Variants in NAV3 observed in about 807,000 individuals in gnomAD.
NAV3 encodes neuron navigator 3, also known as pore membrane and/or filament interacting like protein 1.
Under a neutral mutation model 244.7 loss-of-function variants are expected in NAV3, and 87 were observed. That is an observed-to-expected ratio of 0.36 (90% CI 0.30 to 0.42). The LOEUF (loss-of-function observed/expected upper bound fraction) is 0.42, where lower values mean the gene tolerates loss of function less well. Among genes scored for constraint, NAV3 ranks in the 20% least tolerant of loss-of-function variants. The probability of loss-of-function intolerance (pLI) is 1.00; values close to 1 mark genes in which losing one functional copy is unlikely to be tolerated. For synonymous variants in NAV3, 1,126 were observed against 1,042.2 expected, an observed-to-expected ratio of 1.08 and a Z score of -1.55; for missense variants, 2,663 against 2,893.3, an observed-to-expected ratio of 0.92 and a Z score of 1.83.
chr12:77,686,426 T>TTC (rs1220785263), intron 2 of NAV3, among the ~76,000 whole-genome samples: 78 of 15,558 alleles, frequency 5.0e-3, no homozygotes, highest in Non-Finnish European at 0.013. Context: ...CTTTCTTTCT[T>TTC]TTTTTTTTTT....
intron 2 of NAV3, among the ~76,000 whole-genome samples, chr12:77,612,767 G>T (rs911175942): frequency 6.6e-6 from 1 of 151,962 alleles, no homozygotes; most frequent in Non-Finnish European, 1.5e-5. Flanking sequence ...GATATGATTT[G>T]GCTGTGTCCC....
chr12:77,594,859 C>G (rs944826272), intron 2 of NAV3, among the ~76,000 whole-genome samples: 1 of 152,034 alleles, frequency 6.6e-6, no homozygotes, highest in Middle Eastern at 3.2e-3. Context: ...TAATTCATTA[C>G]CAATAACTGT....
intron 1 of NAV3, among the ~76,000 whole-genome samples, chr12:77,851,475 C>T (rs775943259): frequency 1.3e-5 from 2 of 152,114 alleles, no homozygotes; most frequent in Non-Finnish European, 2.9e-5. Context: ...TTGGAAAACA[C>T]TTTTGTGCTC....
intron 11 of NAV3, chr12:78,052,219 A>C (rs1882858396): frequency 6.6e-6 from 1 of 151,462 alleles, no homozygotes; most frequent in Non-Finnish European, 1.5e-5. Flanking sequence ...GGGTGACACG[A>C]CCTAAAAAAG....
At chr12:78,129,006 G>T (rs1956049043) in intron 18 of NAV3, 140 bp downstream of exon 18, 6 of 738,466 alleles carry the variant, frequency 8.1e-6, no homozygotes, top group Non-Finnish European at 1.3e-5. Flanking sequence ...TTTCATTTGT[G>T]TCATTGTTTA....
intron 2 of NAV3, among the ~76,000 whole-genome samples, chr12:77,725,702 C>T (rs189629638): frequency 3.3e-4 from 50 of 151,882 alleles, no homozygotes; most frequent in African/African-American, 1.2e-3. Flanking sequence ...GTTGCTATAA[C>T]AAAATATCAC....
At chr12:77,787,882 A>G (rs1033565105) in intron 2 of NAV3, among the ~76,000 whole-genome samples, 1 of 152,214 alleles carries the variant, frequency 6.6e-6, no homozygotes, top group Non-Finnish European at 1.5e-5. Flanking sequence ...GACTTATGAC[A>G]ATTATTAGGT....
At chr12:77,769,397 G>T (rs558327204) in intron 2 of NAV3, among the ~76,000 whole-genome samples, 1 of 152,200 alleles carries the variant, frequency 6.6e-6, no homozygotes, top group Non-Finnish European at 1.5e-5. Context: ...TCCCAGAGTG[G>T]TCATGCAATC....
intron 1 of NAV3, among the ~76,000 whole-genome samples, chr12:77,922,340 A>T (rs1394299267): frequency 6.6e-6 from 1 of 151,894 alleles, no homozygotes; most frequent in African/African-American, 2.4e-5. Context: ...CTTCTTTTCC[A>T]TCTCCTAACA....
chr12:77,572,892 C>A (rs572712663), intron 2 of NAV3, among the ~76,000 whole-genome samples: 18 of 144,344 alleles, frequency 1.2e-4, no homozygotes, highest in Admixed American at 2.1e-4. Flanking sequence ...AAGGGATGTA[C>A]TTCACCTTCA....
At chr12:77,812,930 G>T (rs1456153297) in intron 2 of NAV3, among the ~76,000 whole-genome samples, 1 of 151,866 alleles carries the variant, frequency 6.6e-6, no homozygotes, top group Non-Finnish European at 1.5e-5. Context: ...AGGTTCAAAT[G>T]ATTCTCATGC....
At chr12:78,126,709 T>A (rs1001809891) in intron 16 of NAV3, among the ~76,000 whole-genome samples, 1 of 152,164 alleles carries the variant, frequency 6.6e-6, no homozygotes, top group Non-Finnish European at 1.5e-5. Flanking sequence ...TGCCTTTTTA[T>A]TAAAAATAAT....
In NAV3 at chr12:78,119,667, C is replaced by T. The variant is rs2138625035; in HGVS notation, c.3471C>T (p.Ser1157=). The change falls in exon 15 of 40, where the codon TCC becomes TCT. Residue 1157 remains serine, a synonymous_variant. Coordinates refer to ENST00000397909, the MANE Select transcript of NAV3 (RefSeq NM_001024383.2). ...TTCCTGGCCGAGGAGGCCACAGATC[C>T]AGTACCAGCAGTATTGATTCCAACG... is the stretch of plus-strand genomic sequence containing the variant. The part of the protein sequence containing the change: ...SGIPGRGGHR[S]STSSIDSNVS... The T allele has an allele frequency of 1.2e-6, 2 of 1,614,200 alleles. No homozygotes were observed. The highest frequency in any genetic ancestry group is 1.1e-5 in the South Asian group (1 of 91,078).
chr12:78,108,321 C>T lies in NAV3; in HGVS notation c.2637-8451C>T, dbSNP rs555142154. On this transcript the variant is annotated intron_variant, in intron 12 of 39. Coordinates refer to ENST00000397909, the MANE Select transcript of NAV3 (RefSeq NM_001024383.2). ...TCAGATCCACAAAGCAAATATTAGA[C>T]CTAAAGAGAGAAATAGACTGCAATA... 3.1e-4 allele frequency among the ~76,000 whole-genome samples: 47 copies of T among 152,112 alleles called. 1 individual carries two copies. Among genetic ancestry groups the T allele is most frequent in the African/African-American group, 1.1e-3 (47 of 41,514 alleles).
chr12:78,013,934 A>G (rs1391963729), intron 8 of NAV3, among the ~76,000 whole-genome samples: 3 of 151,894 alleles, frequency 2.0e-5, no homozygotes, highest in African/African-American at 7.3e-5. Context: ...ATCCTGAGCT[A>G]TATAATTTGA....
intron 2 of NAV3, among the ~76,000 whole-genome samples, chr12:77,718,326 A>T (rs1162615741): frequency 6.6e-6 from 1 of 152,088 alleles, no homozygotes; most frequent in Non-Finnish European, 1.5e-5. Flanking sequence ...TTTGTTTAAG[A>T]GACTGTTGTT....
intron 1 of NAV3, among the ~76,000 whole-genome samples, chr12:77,918,097 C>T (rs1340749863): frequency 6.6e-6 from 1 of 151,916 alleles, no homozygotes; most frequent in Non-Finnish European, 1.5e-5. Context: ...TGAGTTTATA[C>T]CTAAAGAACA....
intron 1 of NAV3, among the ~76,000 whole-genome samples, chr12:77,899,699 G>A (rs781098179): frequency 2.0e-5 from 3 of 152,126 alleles, no homozygotes; most frequent in Non-Finnish European, 4.4e-5. Flanking sequence ...TCTCCAAGGT[G>A]TTCCTGTATC....
At chr12:78,153,079 A>G (rs550635056) in intron 22 of NAV3, among the ~76,000 whole-genome samples, 1 of 152,066 alleles carries the variant, frequency 6.6e-6, no homozygotes, top group South Asian at 2.1e-4. Context: ...GGTGTTTTTT[A>G]TATATTAATT....
Sources: allele counts gnomAD v4.1 joint callset (sites outside exome capture counted in the v4.1 genomes callset), GRCh38; gene constraint gnomAD v4.1.1; transcripts MANE v1.5; gene names NCBI Gene and HGNC (gene_info 2026-07-23, HGNC 2026-07-21).